The following RTCA variants were observed in gnomAD, a reference collection of about 807,000 sequenced individuals.
RTCA encodes the protein RNA 3'-terminal phosphate cyclase.
Under a neutral mutation model 46.1 loss-of-function variants are expected in RTCA, and 37 were observed. The observed-to-expected ratio is 0.80, with a 90% confidence interval of 0.62 to 1.06. The LOEUF is 1.06. RTCA is among the 50% of genes least tolerant of loss of function. The probability of loss-of-function intolerance (pLI) is 0.00; values close to 1 mark genes in which losing one functional copy is unlikely to be tolerated. For synonymous variants in RTCA, 164 were observed against 158.3 expected, an observed-to-expected ratio of 1.04 and a Z score of -0.27; for missense variants, 435 against 455.5, an observed-to-expected ratio of 0.95 and a Z score of 0.41.
chr1:100,288,953 G>A (rs982512681), intron 10 of RTCA, among the ~76,000 whole-genome samples: 3 of 152,022 alleles, frequency 2.0e-5, no homozygotes, highest in African/African-American at 7.2e-5. Context: ...CTCCAGAGTA[G>A]CTGGGATTAC....
In RTCA at chr1:100,291,541, T is replaced by C. The variant is rs1553238257; in HGVS notation, c.*37T>C. The C allele has an allele frequency of 5.0e-6, 6 of 1,194,656 alleles. No homozygotes were observed. In the South Asian group the frequency reaches 7.9e-5, roughly 16 times the overall value. 74.0% of individuals were successfully genotyped at this position (1,194,656 alleles called of 1,614,324 possible). ...CTTAAATGATACCTCATTGATATAT[T>C]GCACTATTTCATAAATACTATAAAA... On this transcript the variant is annotated 3_prime_UTR_variant, in exon 11 of 11. Transcript: ENST00000370128.
Position 100,287,113 on chromosome 1 carries a change from G to T in RTCA, c.909G>T (p.Met303Ile). 6.4e-7 allele frequency: 1 copy of T among 1,550,698 alleles called. No individual in the cohort carries two copies. The highest frequency in any genetic ancestry group is 8.7e-7 in the Non-Finnish European group (1 of 1,154,694). ...EYLQDQLIVF[M>I]ALANGVSRIK... Reference sequence around the variant, plus strand: ...TTTTTAAATAGCTGATTGTTTTCATGGCATTAGCCAATGGAGTTTCCAGAA... The same window carrying T: ...TTTTTAAATAGCTGATTGTTTTCATTGCATTAGCCAATGGAGTTTCCAGAA... Residue 303 changes from methionine to isoleucine, a missense_variant, in exon 10 of 11, where the codon ATG becomes ATT. By Grantham distance (10) the Met-to-Ile change is conservative (BLOSUM62 1). Transcript: ENST00000370128.
rs1666289530 is a variant in RTCA, at chr1:100,274,890, T to C, written c.540T>C (p.Pro180=). 1 of 1,613,788 alleles carries C rather than the reference T, an allele frequency of 6.2e-7. No homozygotes were observed. The highest frequency in any genetic ancestry group is 8.5e-7 in the Non-Finnish European group (1 of 1,179,732). Residue 180 remains proline, a synonymous_variant, in exon 6 of 11, where the codon CCT becomes CCC. Coordinates refer to ENST00000370128, the MANE Select transcript of RTCA (RefSeq NM_003729.4). ...VRMSPVKQLN[P]INLTERGCVT... is the part of the protein sequence containing the mutation. ...TGTCACCAGTTAAACAATTGAACCC[T>C]ATAAATTTAACTGAGCGTGGCTGTG... is the stretch of plus-strand genomic sequence containing the variant.
intron 8 of RTCA, among the ~76,000 whole-genome samples, chr1:100,278,614 TAAAC>T (rs1406385910): frequency 6.6e-6 from 1 of 152,108 alleles, no homozygotes; most frequent in African/African-American, 2.4e-5. Flanking sequence ...GCAAAATAAA[TAAAC>T]AAATAAAAAT....
intron 5 of RTCA, 108 bp from the exon 6 acceptor site, chr1:100,274,716 C>T (rs1219706534): frequency 8.2e-7 from 1 of 1,215,910 alleles, no homozygotes; most frequent in Non-Finnish European, 1.1e-6. Flanking sequence ...TTAGACCTTT[C>T]CATGGATTAC....
intron 9 of RTCA, 69 bp from the exon 10 acceptor site, chr1:100,287,030 G>A: frequency 4.9e-6 from 5 of 1,028,058 alleles, no homozygotes; most frequent in African/African-American, 1.7e-5. Flanking sequence ...TTTATTATGG[G>A]CAGCAGTGGA....
In RTCA at chr1:100,286,141, C is replaced by T. The variant is rs915890296; in HGVS notation, c.894+819C>T. Among the ~76,000 whole-genome samples, 12 of 152,230 alleles carry T rather than the reference C, an allele frequency of 7.9e-5. No individual in the cohort carries two copies. The South Asian group carries it at 1.7e-3, about 21-fold the overall frequency. The stretch of plus-strand genomic sequence containing the variant: ...ATGCCTGTCAACACCTCCACTTGGA[C>T]GTGTCACAGACCTCTCAAACTTAGC... On this transcript the variant is annotated intron_variant, in intron 9 of 10. Transcript: ENST00000370128.
At chr1:100,281,414 A>G in intron 8 of RTCA, 1 of 451,622 alleles carries the variant, frequency 2.2e-6, no homozygotes. Flanking sequence ...TCCTTATCTG[A>G]AAAATGATAT....
intron 8 of RTCA, among the ~76,000 whole-genome samples, chr1:100,285,021 A>G (rs1243182986): frequency 6.6e-6 from 1 of 152,230 alleles, no homozygotes; most frequent in Non-Finnish European, 1.5e-5. Context: ...CTCCACTAGT[A>G]TATTTAAAGG....
chr1:100,267,896 T>C (rs1665877255), intron 2 of RTCA, among the ~76,000 whole-genome samples: 1 of 152,198 alleles, frequency 6.6e-6, no homozygotes, highest in Non-Finnish European at 1.5e-5. Context: ...AGCACACTTC[T>C]AATTTGCAGC....
At chr1:100,289,960 C>T (rs965299952) in intron 10 of RTCA, among the ~76,000 whole-genome samples, 14 of 152,124 alleles carry the variant, frequency 9.2e-5, no homozygotes, top group African/African-American at 3.1e-4. Context: ...ATAGCTGCTA[C>T]GTGTGTTTCA....
In RTCA at chr1:100,268,168, G is replaced by A; in HGVS notation, c.163G>A (p.Gly55Arg). 6.2e-7 allele frequency: 1 copy of A among 1,614,152 alleles called. No homozygotes were observed. The highest frequency in any genetic ancestry group is 8.5e-7 in the Non-Finnish European group (1 of 1,180,014). The change falls in exon 3 of 11, where the codon GGA (glycine) becomes AGA (arginine). Residue 55 changes from glycine (G) to arginine (R), a missense_variant. Gly to Arg is a moderately radical substitution (Grantham distance 125). Coordinates refer to ENST00000370128, the MANE Select transcript of RTCA (RefSeq NM_003729.4). ...TPGLRPQHLS[G>R]LEMIRDLCDG... ...GACCTGAAGGCCTCAACATTTATCT[G>A]GACTGGAAATGATTCGAGATTTGTG...
At chr1:100,281,655 A>G (rs570226770) in intron 8 of RTCA, among the ~76,000 whole-genome samples, 2 of 152,108 alleles carry the variant, frequency 1.3e-5, no homozygotes, top group African/African-American at 4.8e-5. Flanking sequence ...CCTCACTTAT[A>G]GCAAGCACCT....
intron 10 of RTCA, among the ~76,000 whole-genome samples, chr1:100,289,591 G>T (rs1667242122): frequency 6.6e-6 from 1 of 152,158 alleles, no homozygotes; most frequent in African/African-American, 2.4e-5. Flanking sequence ...TACTTATGCT[G>T]TATTTATAAC....
At chr1:100,289,274 G>A (rs1003802530) in intron 10 of RTCA, among the ~76,000 whole-genome samples, 1 of 151,446 alleles carries the variant, frequency 6.6e-6, no homozygotes, top group East Asian at 1.9e-4. Flanking sequence ...GACTGCAGCT[G>A]TGCACCACCA....
intron 2 of RTCA, chr1:100,267,468 A>T: frequency 6.6e-7 from 1 of 1,505,568 alleles, no homozygotes; most frequent in Non-Finnish European, 8.9e-7. Flanking sequence ...CACAGAGTGG[A>T]GCTTAAACAA....
intron 8 of RTCA, among the ~76,000 whole-genome samples, chr1:100,280,626 A>C (rs1460068066): frequency 1.3e-5 from 2 of 152,170 alleles, no homozygotes; most frequent in African/African-American, 4.8e-5. Context: ...GCTTGTCTAT[A>C]TATTAAGGAT....
intron 10 of RTCA, among the ~76,000 whole-genome samples, chr1:100,288,059 G>C (rs907612040): frequency 1.3e-5 from 2 of 152,124 alleles, no homozygotes; most frequent in Admixed American, 1.3e-4. Context: ...CTCCCAAAGT[G>C]TTGTGATTAT....
At chr1:100,273,994 A>T (rs561529584) in intron 5 of RTCA, among the ~76,000 whole-genome samples, 4 of 152,184 alleles carry the variant, frequency 2.6e-5, no homozygotes, top group South Asian at 4.2e-4. Context: ...TTCTAACAAT[A>T]TGTTTGCTTG....
Sources: allele counts gnomAD v4.1 joint callset (sites outside exome capture counted in the v4.1 genomes callset), GRCh38; gene constraint gnomAD v4.1.1; transcripts MANE v1.5; gene names NCBI Gene and HGNC (gene_info 2026-07-23, HGNC 2026-07-21).